SUCLG2: variants seen among roughly 807,000 people sequenced by gnomAD.
SUCLG2 encodes the protein succinate-CoA ligase GDP-forming subunit beta, also known as succinate--CoA ligase [GDP-forming] subunit beta, mitochondrial.
Under a neutral mutation model 47.9 loss-of-function variants are expected in SUCLG2, and 42 were observed. That is an observed-to-expected ratio of 0.88 (90% CI 0.69 to 1.14). SUCLG2 has a LOEUF of 1.14. Ranked by LOEUF, SUCLG2 falls within the 50% of genes most tolerant of loss-of-function variation. SUCLG2 has a pLI of 0.00. For missense variants in SUCLG2, 571 were observed against 525.9 expected (o/e 1.09, Z -0.84); for synonymous variants, 195 against 197.3 (o/e 0.99, Z 0.10).
At chr3:67,420,892 T>C (rs1703142708) in intron 9 of SUCLG2, among the ~76,000 whole-genome samples, 1 of 152,206 alleles carries the variant, frequency 6.6e-6, no homozygotes, top group African/African-American at 2.4e-5. Flanking sequence ...TCCTTTCCCC[T>C]TGCAGTAATC....
intron 1 of SUCLG2, among the ~76,000 whole-genome samples, chr3:67,643,886 A>G (rs1475809543): frequency 6.6e-6 from 1 of 152,192 alleles, no homozygotes; most frequent in East Asian, 1.9e-4. Context: ...CATGTTGGCC[A>G]GGCTTGTCTT....
At chr3:67,481,852 T>C (rs1704927086) in intron 9 of SUCLG2, among the ~76,000 whole-genome samples, 1 of 152,206 alleles carries the variant, frequency 6.6e-6, no homozygotes, top group South Asian at 2.1e-4. Context: ...CTTTCTCGAT[T>C]AGCTCCTAAC....
chr3:67,592,985 C>T (rs942672905), intron 2 of SUCLG2, among the ~76,000 whole-genome samples: 1 of 152,110 alleles, frequency 6.6e-6, no homozygotes, highest in Non-Finnish European at 1.5e-5. Context: ...TATGGTGAGC[C>T]TAGGTAGCCA....
At chr3:67,528,986 C>A in intron 3 of SUCLG2, 101 bp downstream of exon 3, 1 of 973,564 alleles carries the variant, frequency 1.0e-6, no homozygotes, top group Non-Finnish European at 1.6e-6. Flanking sequence ...TTGGCCCGCT[C>A]CTACCCCACC....
chr3:67,479,478 C>T (rs4527393), intron 9 of SUCLG2, among the ~76,000 whole-genome samples: 3,724 of 152,286 alleles, frequency 0.024, 73 homozygotes, highest in African/African-American at 0.052. Context: ...TCTATTATCA[C>T]GATGTTTGTC....
At chr3:67,637,288 C>T (rs1449146917) in intron 1 of SUCLG2, among the ~76,000 whole-genome samples, 1 of 152,118 alleles carries the variant, frequency 6.6e-6, no homozygotes, top group Non-Finnish European at 1.5e-5. Context: ...ATATGAACTG[C>T]CTCTAATTAG....
At chr3:67,379,377 G>A (rs899633037) in intron 10 of SUCLG2, among the ~76,000 whole-genome samples, 13 of 152,186 alleles carry the variant, frequency 8.5e-5, no homozygotes, top group Non-Finnish European at 2.9e-5. Context: ...CGCTCCTGAT[G>A]TCTTCCTCCA....
chr3:67,381,875 T>A (rs1365717103), intron 10 of SUCLG2, among the ~76,000 whole-genome samples: 1 of 152,010 alleles, frequency 6.6e-6, no homozygotes, highest in Non-Finnish European at 1.5e-5. Context: ...CTGGGTGGAG[T>A]AAGAGAGCTG....
chr3:67,559,453 G>C (rs544022862), intron 2 of SUCLG2, among the ~76,000 whole-genome samples: 18 of 152,248 alleles, frequency 1.2e-4, no homozygotes, highest in African/African-American at 4.1e-4. Flanking sequence ...GATAGCACAA[G>C]GAAGTGCCAC....
intron 9 of SUCLG2, among the ~76,000 whole-genome samples, chr3:67,414,577 A>G (rs1413602729): frequency 6.6e-6 from 1 of 152,212 alleles, no homozygotes; most frequent in African/African-American, 2.4e-5. Flanking sequence ...TACACAATCT[A>G]TCCAATTGTT....
chr3:67,390,014 T>C (rs1036568449), intron 10 of SUCLG2, among the ~76,000 whole-genome samples: 2 of 152,218 alleles, frequency 1.3e-5, no homozygotes, highest in African/African-American at 4.8e-5. Flanking sequence ...GGAAAAATGT[T>C]ACCAGAGACT....
At chr3:67,468,774 G>C (rs1411718936) in intron 9 of SUCLG2, among the ~76,000 whole-genome samples, 1 of 152,192 alleles carries the variant, frequency 6.6e-6, no homozygotes, top group East Asian at 1.9e-4. Context: ...TGAAGCATGA[G>C]AGGTAGTGAT....
intron 9 of SUCLG2, among the ~76,000 whole-genome samples, chr3:67,483,320 G>A (rs894912085): frequency 2.0e-5 from 3 of 152,054 alleles, no homozygotes; most frequent in East Asian, 1.9e-4. Flanking sequence ...GGACAACTCC[G>A]AGGGGCAGAT....
intron 10 of SUCLG2, among the ~76,000 whole-genome samples, chr3:67,366,645 C>T (rs548527635): frequency 6.6e-6 from 1 of 152,272 alleles, no homozygotes; most frequent in South Asian, 2.1e-4. Flanking sequence ...GATGAAATGA[C>T]TCAGAAGAAC....
chr3:67,391,299 A>G (rs1186101076), intron 10 of SUCLG2, among the ~76,000 whole-genome samples: 2 of 152,150 alleles, frequency 1.3e-5, no homozygotes, highest in African/African-American at 2.4e-5. Flanking sequence ...TGATTCTGAA[A>G]TACTGATAAA....
chr3:67,411,846 A>G (rs970024623), intron 9 of SUCLG2, among the ~76,000 whole-genome samples: 2 of 152,186 alleles, frequency 1.3e-5, no homozygotes, highest in Non-Finnish European at 2.9e-5. Context: ...AATTCAGGTA[A>G]ATTAAGAGGA....
At chr3:67,557,809 C>A (rs1707200917) in intron 2 of SUCLG2, among the ~76,000 whole-genome samples, 1 of 152,178 alleles carries the variant, frequency 6.6e-6, no homozygotes, top group African/African-American at 2.4e-5. Flanking sequence ...AAGAGTTCCA[C>A]AGAGGGTTTT....
intron 2 of SUCLG2, among the ~76,000 whole-genome samples, chr3:67,583,638 G>C (rs1297770931): frequency 6.6e-6 from 1 of 152,206 alleles, no homozygotes; most frequent in East Asian, 1.9e-4. Context: ...TCAAGCTACT[G>C]GCTGGAACTA....
At chr3:67,499,888 T>C (rs1236650664) in intron 7 of SUCLG2, among the ~76,000 whole-genome samples, 2 of 152,056 alleles carry the variant, frequency 1.3e-5, no homozygotes, top group Admixed American at 1.3e-4. Context: ...TGTGCCACCA[T>C]GCCCAGGTAA....
Sources: allele counts gnomAD v4.1 joint callset (sites outside exome capture counted in the v4.1 genomes callset), GRCh38; gene constraint gnomAD v4.1.1; transcripts MANE v1.5; gene names NCBI Gene and HGNC (gene_info 2026-07-23, HGNC 2026-07-21).